SENP7: variants seen among roughly 807,000 people sequenced by gnomAD.
SENP7 encodes the protein sentrin-specific protease 7.
Under a neutral mutation model 141.2 loss-of-function variants are expected in SENP7, and 64 were observed. The observed-to-expected ratio is 0.45, with a 90% CI of 0.37 to 0.56. SENP7 has a LOEUF of 0.56. SENP7 is among the 20% of genes least tolerant of loss of function. SENP7 has a pLI of 0.00. For missense variants in SENP7, 1,025 were observed against 1,212.2 expected (o/e 0.85, Z 2.29); for synonymous variants, 382 against 426.4 (o/e 0.90, Z 1.28).
chr3:101,349,082 C>T (rs898864884), intron 12 of SENP7, among the ~76,000 whole-genome samples: 1 of 152,160 alleles, frequency 6.6e-6, no homozygotes, highest in Non-Finnish European at 1.5e-5. Flanking sequence ...ACCAGCAGAT[C>T]TCAGTTTAAT....
At chr3:101,466,145 C>T (rs1216422639) in intron 3 of SENP7, among the ~76,000 whole-genome samples, 8 of 151,544 alleles carry the variant, frequency 5.3e-5, no homozygotes, top group Middle Eastern at 3.2e-3. Flanking sequence ...TGCCATAAAG[C>T]GACCAAATAT....
intron 4 of SENP7, among the ~76,000 whole-genome samples, 157 bp downstream of exon 4, chr3:101,458,798 A>T (rs1001950161): frequency 6.6e-6 from 1 of 152,230 alleles, no homozygotes; most frequent in Admixed American, 6.5e-5. Context: ...TTAAAATCAC[A>T]GAAAGTTAGA....
rs2063522902 is a variant in SENP7, at chr3:101,460,862, C to G, written c.187-1810G>C. On this transcript the variant is annotated intron_variant, in intron 3 of 23. Coordinates refer to ENST00000394095, the MANE Select transcript of SENP7 (RefSeq NM_020654.5). ...CTGTAATCCCAGCACTCTGGAAGGC[C>G]AAGGCAGGAGGATTGCTTGAGGCCA... 1.3e-5 allele frequency among the ~76,000 whole-genome samples: 2 copies of G among 151,750 alleles called. 1 individual carries two copies. Among genetic ancestry groups the G allele is most frequent in the South Asian group, 4.1e-4 (2 of 4,822 alleles).
chr3:101,439,557 G>GC (rs2062560812), intron 4 of SENP7, among the ~76,000 whole-genome samples: 1 of 47,860 alleles, frequency 2.1e-5, no homozygotes, highest in Non-Finnish European at 4.6e-5. Flanking sequence ...GGGGGGGTCA[G>GC]CCCCCCGCCC....
In SENP7 at chr3:101,331,963, C is replaced by A. The variant is rs892351815; in HGVS notation, c.2698+22G>T. Reference sequence around the variant, plus strand: ...ATTATTGTCATCATTATTAAAAACACCATCTACGTTATGGATGTCACCTAT... The same window carrying A: ...ATTATTGTCATCATTATTAAAAACAACATCTACGTTATGGATGTCACCTAT... On this transcript the variant is annotated intron_variant, in intron 19 of 23. Transcript: ENST00000394095. The A allele has an allele frequency of 9.3e-6, 15 of 1,609,584 alleles. No individual in the cohort carries two copies. The African/African-American group carries it at 1.6e-4, about 17-fold the overall frequency.
Position 101,398,856 on chromosome 3 carries a change from C to A in SENP7, c.677+5G>T. On this transcript the variant is annotated splice_donor_5th_base_variant and intron_variant, in intron 6 of 23. Coordinates refer to ENST00000394095, the MANE Select transcript of SENP7 (RefSeq NM_020654.5). ...TATTTTGAGTAAAGTTATCACTAAACATACCTTTCAGATAAATAACAGCTC... is the reference window on the plus strand; with the variant it reads ...TATTTTGAGTAAAGTTATCACTAAAAATACCTTTCAGATAAATAACAGCTC... 2 of 1,561,772 alleles carry A rather than the reference C, an allele frequency of 1.3e-6. No individual in the cohort carries two copies. The highest frequency in any genetic ancestry group is 1.2e-5 in the South Asian group (1 of 83,952).
chr3:101,506,447 T>G (rs1223631264), intron 1 of SENP7, among the ~76,000 whole-genome samples: 1 of 152,176 alleles, frequency 6.6e-6, no homozygotes, highest in Non-Finnish European at 1.5e-5. Flanking sequence ...GATTAAGAAA[T>G]TAAGATTTGA....
chr3:101,422,459 A>G (rs899129017), intron 4 of SENP7, among the ~76,000 whole-genome samples: 2 of 152,194 alleles, frequency 1.3e-5, no homozygotes, highest in Non-Finnish European at 2.9e-5. Flanking sequence ...TGAACTGTTT[A>G]CCTTTTAGTC....
chr3:101,338,056 G>A (rs2059234024), intron 16 of SENP7, among the ~76,000 whole-genome samples: 1 of 151,832 alleles, frequency 6.6e-6, no homozygotes, highest in South Asian at 2.1e-4. Context: ...AGAGGGCTGA[G>A]GCAGGAGAAT....
intron 5 of SENP7, among the ~76,000 whole-genome samples, chr3:101,407,927 C>A (rs999361185): frequency 1.3e-5 from 2 of 151,642 alleles, no homozygotes; most frequent in African/African-American, 4.8e-5. Context: ...AAGAAACAAG[C>A]AAGATCAGAG....
chr3:101,405,275 C>A (rs192656359), intron 5 of SENP7, among the ~76,000 whole-genome samples: 1 of 152,146 alleles, frequency 6.6e-6, no homozygotes, highest in Non-Finnish European at 1.5e-5. Flanking sequence ...AGACAACCGC[C>A]AGTACCAGCC....
At chr3:101,398,758 AC>A (rs2061045296) in intron 6 of SENP7, 102 bp downstream of exon 6, 1 of 844,230 alleles carries the variant, frequency 1.2e-6, no homozygotes, top group South Asian at 2.3e-5. Context: ...CTATCAGAGC[AC>A]ATTTACCTCA....
chr3:101,417,485 T>A, intron 5 of SENP7, 108 bp downstream of exon 5: 1 of 868,796 alleles, frequency 1.2e-6, no homozygotes, highest in Non-Finnish European at 1.9e-6. Context: ...TATGCCTATA[T>A]ATGCAAATCT....
At chr3:101,359,518 T>C (rs1283682003) in intron 11 of SENP7, among the ~76,000 whole-genome samples, 1 of 151,878 alleles carries the variant, frequency 6.6e-6, no homozygotes, top group African/African-American at 2.4e-5. Flanking sequence ...CCAGGACTTC[T>C]GACAATTAAT....
intron 3 of SENP7, among the ~76,000 whole-genome samples, chr3:101,470,412 T>C (rs1382304419): frequency 6.6e-6 from 1 of 152,154 alleles, no homozygotes; most frequent in Non-Finnish European, 1.5e-5. Context: ...ACCACGATTA[T>C]CTCAATAGAT....
intron 3 of SENP7, among the ~76,000 whole-genome samples, chr3:101,489,046 A>G (rs1013269321): frequency 1.3e-5 from 2 of 152,184 alleles, no homozygotes; most frequent in Non-Finnish European, 2.9e-5. Context: ...TAAGAATTTC[A>G]TATCCTACCA....
At chr3:101,512,042 G>C (rs1376982686) in intron 1 of SENP7, among the ~76,000 whole-genome samples, 1 of 152,090 alleles carries the variant, frequency 6.6e-6, no homozygotes, top group Non-Finnish European at 1.5e-5. Flanking sequence ...GGATGGTCTC[G>C]ATCTCCTGAC....
intron 3 of SENP7, among the ~76,000 whole-genome samples, chr3:101,469,748 T>C (rs6777926): frequency 0.97 from 94,490 of 97,082 alleles, 46,554 homozygotes; most frequent in East Asian, 1. Flanking sequence ...GGCGTGAACC[T>C]GGGAAGCGGA....
chr3:101,438,348 G>A (rs1427889538), intron 4 of SENP7, among the ~76,000 whole-genome samples: 1 of 152,190 alleles, frequency 6.6e-6, no homozygotes, highest in Non-Finnish European at 1.5e-5. Flanking sequence ...GACAAATACT[G>A]TATGAGGTAC....
Sources: allele counts gnomAD v4.1 joint callset (sites outside exome capture counted in the v4.1 genomes callset), GRCh38; gene constraint gnomAD v4.1.1; transcripts MANE v1.5; gene names NCBI Gene and HGNC (gene_info 2026-07-23, HGNC 2026-07-21).